RMST: variants seen among roughly 807,000 people sequenced by gnomAD.
The protein encoded by RMST is rhabdomyosarcoma 2 associated transcript, also known as long intergenic non-protein coding RNA 54.
At chr12:97,514,791 G>A (rs1290841534) in intron 10 of RMST, among the ~76,000 whole-genome samples, 2 of 151,578 alleles carry the variant, frequency 1.3e-5, no homozygotes, top group Admixed American at 6.6e-5. Flanking sequence ...CTTATAAAAG[G>A]GAAAAAAATC....
chr12:97,534,802 T>C (rs1445765850), intron 11 of RMST, among the ~76,000 whole-genome samples: 1 of 151,698 alleles, frequency 6.6e-6, no homozygotes. Flanking sequence ...ATTAATCCAT[T>C]TGATATTTTA....
intron 10 of RMST, among the ~76,000 whole-genome samples, chr12:97,522,994 G>T (rs796556625): frequency 1.1e-4 from 17 of 152,290 alleles, no homozygotes; most frequent in African/African-American, 4.1e-4. Flanking sequence ...AATAATAATG[G>T]AAACTTAGTA....
chr12:97,562,393 A>T (rs2136677768), intron 13 of RMST, among the ~76,000 whole-genome samples: 1 of 152,180 alleles, frequency 6.6e-6, no homozygotes, highest in Non-Finnish European at 1.5e-5. Context: ...GTATTTTCAA[A>T]GGGAAAATGG....
At chr12:97,504,402 T>TAAAAAA (rs754529152) in intron 10 of RMST, among the ~76,000 whole-genome samples, 2 of 125,232 alleles carry the variant, frequency 1.6e-5, no homozygotes, top group Non-Finnish European at 1.6e-5. Context: ...AGACTTCATT[T>TAAAAAA]CAAAAAAAAA....
chr12:97,464,888 A>G (rs899687495), intron 4 of RMST: 2 of 152,198 alleles, frequency 1.3e-5, no homozygotes, highest in Admixed American at 1.3e-4. Context: ...GTCCCACTAA[A>G]AATATGTTTT....
intron 10 of RMST, among the ~76,000 whole-genome samples, chr12:97,512,162 C>G (rs1879401033): frequency 6.6e-6 from 1 of 152,108 alleles, no homozygotes; most frequent in South Asian, 2.1e-4. Context: ...AGGAGTGAAG[C>G]TGCAGACTTT....
At chr12:97,505,730 G>A (rs1878595287) in intron 10 of RMST, among the ~76,000 whole-genome samples, 1 of 152,188 alleles carries the variant, frequency 6.6e-6, no homozygotes, top group Non-Finnish European at 1.5e-5. Flanking sequence ...ATATAATCCA[G>A]AGAGAATTTT....
At chr12:97,526,942 T>C (rs980104611) in intron 10 of RMST, among the ~76,000 whole-genome samples, 4 of 152,174 alleles carry the variant, frequency 2.6e-5, no homozygotes, top group African/African-American at 9.7e-5. Flanking sequence ...GTTGTTGTTG[T>C]TGTTGTTGAA....
At chr12:97,535,856 A>G (rs1592760214) in intron 11 of RMST, among the ~76,000 whole-genome samples, 1 of 151,676 alleles carries the variant, frequency 6.6e-6, no homozygotes, top group East Asian at 1.9e-4. Flanking sequence ...TGGGTCACCC[A>G]TGCAATGAAC....
intron 11 of RMST, among the ~76,000 whole-genome samples, chr12:97,555,303 A>G (rs915288628): frequency 7.9e-5 from 12 of 152,256 alleles, no homozygotes; most frequent in Middle Eastern, 3.4e-3. Context: ...TTTAATGTTT[A>G]CCTTTTCCTG....
chr12:97,552,848 G>A (rs1448488774), intron 11 of RMST, among the ~76,000 whole-genome samples: 2 of 152,166 alleles, frequency 1.3e-5, no homozygotes, highest in Admixed American at 1.3e-4. Context: ...TAGTAGAAGA[G>A]TTTGCTTTCA....
intron 10 of RMST, among the ~76,000 whole-genome samples, chr12:97,512,689 A>C (rs58404711): frequency 0.014 from 2,094 of 152,268 alleles, 33 homozygotes; most frequent in African/African-American, 0.047. Flanking sequence ...GGGTCTCCAC[A>C]TCCCCACCAG....
exon 14 of RMST, chr12:97,564,710 T>C (rs965545684): frequency 2.0e-5 from 3 of 152,192 alleles, no homozygotes; most frequent in African/African-American, 7.2e-5. Context: ...CCCTTTTCTC[T>C]CCCTCCTCTG....
chr12:97,510,949 C>T (rs181294577), intron 10 of RMST, among the ~76,000 whole-genome samples: 171 of 152,026 alleles, frequency 1.1e-3, no homozygotes, highest in Middle Eastern at 3.4e-3. Context: ...TCTTGTTTCT[C>T]CTCTCTGGGA....
At chr12:97,487,528 T>C (rs936991389) in intron 5 of RMST, among the ~76,000 whole-genome samples, 4 of 151,992 alleles carry the variant, frequency 2.6e-5, no homozygotes, top group Non-Finnish European at 4.4e-5. Flanking sequence ...GAAAAGCACG[T>C]TTGATGGACC....
At chr12:97,549,852 G>A (rs1264899295) in intron 11 of RMST, among the ~76,000 whole-genome samples, 2 of 152,194 alleles carry the variant, frequency 1.3e-5, no homozygotes, top group African/African-American at 4.8e-5. Flanking sequence ...ATAAGCAGGT[G>A]TTCATTAATG....
intron 5 of RMST, among the ~76,000 whole-genome samples, chr12:97,490,233 G>A (rs753111133): frequency 1.3e-5 from 2 of 152,136 alleles, no homozygotes; most frequent in African/African-American, 4.8e-5. Flanking sequence ...CATATAGGAA[G>A]GAAAGAGCCA....
chr12:97,547,274 C>A (rs1452936936), intron 11 of RMST, among the ~76,000 whole-genome samples: 1 of 151,336 alleles, frequency 6.6e-6, no homozygotes, highest in African/African-American at 2.4e-5. Flanking sequence ...TTTTCTTTAT[C>A]CATCCATCTG....
chr12:97,540,853 C>T (rs984431462), intron 11 of RMST, among the ~76,000 whole-genome samples: 4 of 151,442 alleles, frequency 2.6e-5, no homozygotes, highest in Non-Finnish European at 4.4e-5. Context: ...ATCTGGCACT[C>T]ATTAATTTAC....
Sources: allele counts gnomAD v4.1 joint callset (sites outside exome capture counted in the v4.1 genomes callset), GRCh38; gene constraint gnomAD v4.1.1; transcripts MANE v1.5; gene names NCBI Gene and HGNC (gene_info 2026-07-23, HGNC 2026-07-21).